Variants in ITGA11 observed in about 807,000 individuals in gnomAD.
ITGA11 encodes integrin subunit alpha 11.
A neutral mutation model predicts 141.9 loss-of-function variants in ITGA11; 97 were observed. The observed-to-expected ratio is 0.68, with a 90% CI of 0.58 to 0.81. The LOEUF is 0.81. Among genes scored for constraint, ITGA11 ranks in the 30% least tolerant of loss-of-function variants. The probability of loss-of-function intolerance (pLI) is 0.00; values close to 1 mark genes in which losing one functional copy is unlikely to be tolerated. For missense variants in ITGA11, 1,387 were observed against 1,559.2 expected (o/e 0.89, Z 1.86); for synonymous variants, 658 against 624.6 (o/e 1.05, Z -0.80).
chr15:68,406,384 C>A (rs1182942806), intron 1 of ITGA11, among the ~76,000 whole-genome samples: 1 of 152,146 alleles, frequency 6.6e-6, no homozygotes, highest in Non-Finnish European at 1.5e-5. Flanking sequence ...TACTGACCCT[C>A]TCGCTGTCCT....
intron 5 of ITGA11, among the ~76,000 whole-genome samples, chr15:68,360,683 C>T (rs1259890810): frequency 1.3e-5 from 2 of 152,204 alleles, no homozygotes; most frequent in Non-Finnish European, 2.9e-5. Flanking sequence ...GGGGTGGTGA[C>T]ATTCCCCGGT....
intron 7 of ITGA11, among the ~76,000 whole-genome samples, chr15:68,355,154 T>G (rs1434308033): frequency 1.3e-5 from 2 of 152,136 alleles, no homozygotes; most frequent in Non-Finnish European, 2.9e-5. Context: ...AGCTGGTGGT[T>G]ATGGGCTGCC....
chr15:68,391,860 T>C (rs551232589), intron 2 of ITGA11, among the ~76,000 whole-genome samples: 16 of 152,340 alleles, frequency 1.1e-4, no homozygotes, highest in Admixed American at 7.2e-4. Flanking sequence ...TAAAATTCAT[T>C]AACAGATGCC....
chr15:68,368,237 G>A (rs867438975), intron 3 of ITGA11, among the ~76,000 whole-genome samples: 6 of 152,150 alleles, frequency 3.9e-5, no homozygotes, highest in Middle Eastern at 3.2e-3. Context: ...TGGAGACCCC[G>A]CTCCTCGAAG....
At chr15:68,392,721 G>T (rs1464970103) in intron 2 of ITGA11, among the ~76,000 whole-genome samples, 2 of 152,144 alleles carry the variant, frequency 1.3e-5, no homozygotes, top group African/African-American at 4.8e-5. Context: ...AGTCAGAAAG[G>T]AGAGACCTTA....
chr15:68,309,715 C>T (rs1228057869), intron 26 of ITGA11, among the ~76,000 whole-genome samples: 2 of 151,624 alleles, frequency 1.3e-5, no homozygotes, highest in African/African-American at 4.9e-5. Flanking sequence ...TTGCCCAGCC[C>T]GAGTCGCTGG....
At chr15:68,354,756 T>C (rs1240859868) in intron 7 of ITGA11, among the ~76,000 whole-genome samples, 1 of 152,096 alleles carries the variant, frequency 6.6e-6, no homozygotes, top group Non-Finnish European at 1.5e-5. Context: ...AGGGTTAGGG[T>C]GAACACTTGT....
intron 1 of ITGA11, among the ~76,000 whole-genome samples, chr15:68,405,159 C>CTTTTTTTTTTTTTTTTT (rs201537337): frequency 1.7e-5 from 2 of 118,942 alleles, no homozygotes; most frequent in African/African-American, 3.2e-5. Flanking sequence ...CACTGTCTCC[C>CTTTTTTTTTTTTTTTTT]TTTTTTTTTT....
chr15:68,345,858 A>G (rs543641032), intron 10 of ITGA11, among the ~76,000 whole-genome samples: 1 of 152,362 alleles, frequency 6.6e-6, no homozygotes, highest in South Asian at 2.1e-4. Context: ...TCATGATGGC[A>G]TCAGCGGCCT....
intron 5 of ITGA11, among the ~76,000 whole-genome samples, chr15:68,361,322 C>T (rs1169921403): frequency 6.6e-6 from 1 of 152,174 alleles, no homozygotes; most frequent in East Asian, 1.9e-4. Flanking sequence ...AGGGTTTCTG[C>T]AGTGAGCCTC....
At position 68,325,256 on chromosome 15, in the gene ITGA11, T is replaced by A. The variant is rs765327177; in HGVS notation, c.2212-15A>T. 6 of 1,567,124 alleles carry A rather than the reference T, an allele frequency of 3.8e-6. No individual in the cohort carries two copies. In the East Asian group the frequency reaches 1.3e-4, roughly 35 times the overall value. On this transcript the variant is annotated splice_polypyrimidine_tract_variant and intron_variant, in intron 17 of 29. Transcript: ENST00000315757. The surrounding 1 kb of genome is among the most constrained non-coding windows in gnomAD (Gnocchi z 5.5). Reference sequence around the variant, plus strand: ...TCAGCAGTGTCCTGGGGGGTGGAGATGAGGGCAGCGGTGAGGGAGGAGAGA... The same window carrying A: ...TCAGCAGTGTCCTGGGGGGTGGAGAAGAGGGCAGCGGTGAGGGAGGAGAGA...
In ITGA11 at chr15:68,328,018, G is replaced by C; in HGVS notation, c.2068+78C>G. On this transcript the variant is annotated intron_variant, in intron 16 of 29. Transcript: ENST00000315757. This position sits in a 1 kb window ranked among gnomAD's most constrained non-coding sequence, Gnocchi z 4.8. ...GCACTTAGCACCCATTTTGGGAAAA[G>C]CCCAGGCTTTGAAATAGAGCAAGGT... 2.1e-6 allele frequency: 3 copies of C among 1,433,066 alleles called. No homozygotes were observed. Among genetic ancestry groups the C allele is most frequent in the Non-Finnish European group, 2.8e-6 (3 of 1,063,874 alleles). 88.8% of individuals were successfully genotyped at this position (1,433,066 alleles called of 1,614,324 possible).
At chr15:68,358,309 G>A in intron 6 of ITGA11, 149 bp downstream of exon 6, 4 of 741,580 alleles carry the variant, frequency 5.4e-6, no homozygotes, top group East Asian at 5.8e-5. Context: ...CTGAGCTGCA[G>A]TGCCCCAGTG....
At chr15:68,320,955 G>T (rs1204616898) in intron 19 of ITGA11, among the ~76,000 whole-genome samples, 2 of 152,050 alleles carry the variant, frequency 1.3e-5, no homozygotes, top group Admixed American at 6.5e-5. Context: ...ATGTTCGTTT[G>T]TCTCTTCCAG....
chr15:68,339,155 A>T (rs908467691), intron 11 of ITGA11, among the ~76,000 whole-genome samples: 1 of 152,230 alleles, frequency 6.6e-6, no homozygotes, highest in East Asian at 1.9e-4. Context: ...AGGCAGGCTC[A>T]GTGTACTGGA....
At chr15:68,401,423 G>A (rs1027838105) in intron 2 of ITGA11, among the ~76,000 whole-genome samples, 3 of 152,068 alleles carry the variant, frequency 2.0e-5, no homozygotes, top group Non-Finnish European at 2.9e-5. Context: ...CAATAGCAGC[G>A]TTATTTGAAA....
At chr15:68,401,022 A>T (rs1260390734) in intron 2 of ITGA11, among the ~76,000 whole-genome samples, 4 of 138,334 alleles carry the variant, frequency 2.9e-5, no homozygotes, top group Non-Finnish European at 6.0e-5. Flanking sequence ...AAAGACACAC[A>T]ACACAATCTT....
At chr15:68,348,692 C>T (rs1383921342) in intron 10 of ITGA11, 138 bp downstream of exon 10, 1 of 714,830 alleles carries the variant, frequency 1.4e-6, no homozygotes, top group African/African-American at 1.8e-5. Flanking sequence ...GGCAGAGAGA[C>T]CCCAAGAAAG....
In ITGA11 at chr15:68,396,972, A is replaced by T. The variant is rs28820967; in HGVS notation, c.164+5946T>A. Among the ~76,000 whole-genome samples the T allele has an allele frequency of 4.0e-4, 11 of 27,316 alleles. 1 individual carries two copies. The highest frequency in any genetic ancestry group is 5.7e-4 in the Non-Finnish European group (9 of 15,804). The allele number at this position is 27,316 out of a possible 152,430, so 17.9% of individuals were successfully genotyped here. ...TATTATTTATTATATAATAAATAAT[A>T]TATTATATATTATTTATTATATAAT... On this transcript the variant is annotated intron_variant, in intron 2 of 29. Transcript: ENST00000315757.
Sources: gnomAD v4.1 joint callset for allele counts (sites outside exome capture counted in the v4.1 genomes callset) on GRCh38, gnomAD v4.1.1 for gene constraint, Gnocchi (gnomAD v3.1) non-coding constraint, MANE v1.5 for transcripts, NCBI Gene and HGNC (gene_info 2026-07-23, HGNC 2026-07-21) for gene names.